The following PCDHA6 variants were observed in gnomAD, a reference collection of about 807,000 sequenced individuals.
The protein encoded by PCDHA6 is protocadherin alpha 6.
In PCDHA6, 55 loss-of-function variants were observed where a neutral mutation model predicts 60.3. The ratio of observed to expected loss-of-function variants is 0.91; its 90% CI spans 0.73 to 1.14. The LOEUF (loss-of-function observed/expected upper bound fraction) is 1.14. Ranked by LOEUF, PCDHA6 falls within the 50% of genes most tolerant of loss-of-function variation. The pLI is 0.00. For missense variants in PCDHA6, 1,327 were observed against 1,256.5 expected, an observed-to-expected ratio of 1.06 and a Z score of -0.85; for synonymous variants, 652 against 557.9, an observed-to-expected ratio of 1.17 and a Z score of -2.38.
Position 141,012,299 on chromosome 5 carries a change from A to G in PCDHA6, c.*2362A>G, listed in dbSNP as rs1554263904. 1 of 153,754 alleles carries G rather than the reference A, an allele frequency of 6.5e-6. No homozygotes were observed. Among genetic ancestry groups the G allele is most frequent in the African/African-American group, 2.4e-5 (1 of 41,456 alleles). The allele number at this position is 153,754 out of a possible 1,614,324, so 9.5% of individuals were successfully genotyped here. A position where few individuals can be genotyped will look rare whatever the true frequency, so the allele number is the denominator to read the frequency against. ...TGTGGATTCATTTTGAATTGGTGCT[A>G]TTGGTATTTCCTCTGTTATTGCTAA... On this transcript the variant is annotated 3_prime_UTR_variant, in exon 4 of 4. Transcript: ENST00000529310.
chr5:140,849,060 G>A lies in PCDHA6; in HGVS notation c.2394+18575G>A, dbSNP rs2150429705. On this transcript the variant is annotated intron_variant, in intron 1 of 3. Transcript: ENST00000529310. ...GGACGTGCCAACCAGCAACCAGCAG[G>A]TAAAACCTCTTGGACTTGTATTACG... The A allele has an allele frequency of 3.2e-6, 5 of 1,549,090 alleles. No individual in the cohort carries two copies. The South Asian group carries it at 5.6e-5, about 17-fold the overall frequency.
At chr5:140,843,004 C>A (rs782142006) in intron 1 of PCDHA6, 1 of 1,595,032 alleles carries the variant, frequency 6.3e-7, no homozygotes, top group African/African-American at 1.3e-5. Flanking sequence ...AGAATGACAA[C>A]GCGCCGGCAC....
At chr5:140,874,317 A>G (rs1423586280) in intron 1 of PCDHA6, among the ~76,000 whole-genome samples, 2 of 151,836 alleles carry the variant, frequency 1.3e-5, no homozygotes, top group Admixed American at 1.3e-4. Flanking sequence ...GAGTTGTAGG[A>G]TCTTATCTGT....
chr5:140,875,917 G>A, intron 1 of PCDHA6: 1 of 1,614,146 alleles, frequency 6.2e-7, no homozygotes, highest in Non-Finnish European at 8.5e-7. Flanking sequence ...TGCGCCTCTG[G>A]ACTCTCATTT....
At position 140,927,603 on chromosome 5, in the gene PCDHA6, A is replaced by G. The variant is rs538616533; in HGVS notation, c.2395-51346A>G. On this transcript the variant is annotated intron_variant, in intron 1 of 3. Coordinates refer to ENST00000529310, the MANE Select transcript of PCDHA6 (RefSeq NM_018909.4). ...ACGCGCCTGTATTTGAGCGCTCCGT[A>G]TACCGCACCAAGGTTCCAGAGACTG... 8.1e-6 allele frequency: 13 copies of G among 1,614,190 alleles called. No homozygotes were observed. In the Admixed American group the frequency reaches 1.2e-4, roughly 14 times the overall value.
Position 140,851,565 on chromosome 5 carries a change from G to T in PCDHA6, c.2394+21080G>T, listed in dbSNP as rs558874725. Reference sequence around the variant, plus strand: ...TTCAAGAAATGTTGACTGAAATTTTGTCTACACTTAGAACATTTTTTGAAA... The same window carrying T: ...TTCAAGAAATGTTGACTGAAATTTTTTCTACACTTAGAACATTTTTTGAAA... On this transcript the variant is annotated intron_variant, in intron 1 of 3. Transcript: ENST00000529310. The T allele has an allele frequency of 3.3e-6, 3 of 908,000 alleles. No homozygotes were observed. In the African/African-American group the frequency reaches 5.4e-5, roughly 16 times the overall value. 56.2% of individuals were successfully genotyped at this position (908,000 alleles called of 1,614,324 possible).
At chr5:140,866,033 A>T (rs934159305) in intron 1 of PCDHA6, 9 of 152,168 alleles carry the variant, frequency 5.9e-5, no homozygotes, top group African/African-American at 2.2e-4. Flanking sequence ...GTTCGTGATC[A>T]TCATTATCAT....
rs1554262420 is a variant in PCDHA6, at chr5:141,009,791, C to G, written c.2707C>G (p.Pro903Ala). ...TGCAATCATCTCCATCCGGCAGGAG[C>G]CTACTAACAGCCAAATTGACAAAAG... ...SPAIISIRQE[P>A]TNSQIDKSDF... The change falls in exon 4 of 4, where the codon CCT becomes GCT. Residue 903 changes from proline (P) to alanine (A), a missense_variant. Pro to Ala is a conservative substitution (Grantham distance 27). Transcript: ENST00000529310. 1 of 1,614,084 alleles carries G rather than the reference C, an allele frequency of 6.2e-7. No individual in the cohort carries two copies. Among genetic ancestry groups the G allele is most frequent in the Admixed American group, 1.7e-5 (1 of 60,016 alleles).
intron 1 of PCDHA6, among the ~76,000 whole-genome samples, chr5:140,964,719 C>T (rs1042863318): frequency 1.3e-5 from 2 of 151,420 alleles, no homozygotes; most frequent in Non-Finnish European, 2.9e-5. Flanking sequence ...ATCAAATTAC[C>T]ACAGCAAACT....
intron 1 of PCDHA6, chr5:140,927,163 GC>G: frequency 6.2e-7 from 1 of 1,614,176 alleles, no homozygotes; most frequent in East Asian, 2.2e-5. Flanking sequence ...CAGGGCCAAA[GC>G]TGCCTGCGTC....
chr5:140,872,164 TC>T (rs1346109895), intron 1 of PCDHA6, among the ~76,000 whole-genome samples: 1 of 151,498 alleles, frequency 6.6e-6, no homozygotes, highest in Non-Finnish European at 1.5e-5. Context: ...GATTTACTTT[TC>T]TTTTTTTTTT....
At chr5:140,958,998 C>T (rs868985322) in intron 1 of PCDHA6, among the ~76,000 whole-genome samples, 5 of 151,906 alleles carry the variant, frequency 3.3e-5, no homozygotes, top group South Asian at 2.1e-4. Flanking sequence ...TAATCTTTTA[C>T]TGTACCTAAT....
chr5:140,895,857 G>C (rs1181424868), intron 1 of PCDHA6, among the ~76,000 whole-genome samples: 1 of 152,116 alleles, frequency 6.6e-6, no homozygotes, highest in Admixed American at 6.5e-5. Flanking sequence ...TGTACCCCAG[G>C]CTGGAGTGCA....
At chr5:140,868,818 T>TG (rs1170928689) in intron 1 of PCDHA6, 2 of 385,940 alleles carry the variant, frequency 5.2e-6, no homozygotes, top group Non-Finnish European at 9.1e-6. Flanking sequence ...TGGAAATATT[T>TG]GGGGGAAGAA....
intron 1 of PCDHA6, chr5:140,875,357 C>T: frequency 1.4e-6 from 2 of 1,446,712 alleles, no homozygotes; most frequent in South Asian, 1.5e-5. Flanking sequence ...GACTGTGATG[C>T]TGGAAAAAAT....
Position 140,945,638 on chromosome 5 carries a change from A to G in PCDHA6, c.2395-33311A>G, listed in dbSNP as rs187448798. ...CATGGTACTGGCATAAAAGACATGTAGACCAATGGAGCAGAATACAGCTCC... is the reference window on the plus strand; with the variant it reads ...CATGGTACTGGCATAAAAGACATGTGGACCAATGGAGCAGAATACAGCTCC... On this transcript the variant is annotated intron_variant, in intron 1 of 3. Transcript: ENST00000529310. 2.6e-5 allele frequency among the ~76,000 whole-genome samples: 4 copies of G among 152,300 alleles called. No homozygotes were observed. The East Asian group carries it at 5.8e-4, about 22-fold the overall frequency.
At chr5:140,871,530 T>C (rs188075654) in intron 1 of PCDHA6, 2 of 1,514,446 alleles carry the variant, frequency 1.3e-6, no homozygotes, top group Admixed American at 4.8e-5. Flanking sequence ...TCAGGAAGTG[T>C]ATGTGAAATT....
chr5:140,990,852 A>T (rs1265916406), intron 3 of PCDHA6, among the ~76,000 whole-genome samples: 2 of 152,198 alleles, frequency 1.3e-5, no homozygotes, highest in Non-Finnish European at 1.5e-5. Context: ...TAGAGCCCTG[A>T]GGACATTGTA....
rs1028376160 is a variant in PCDHA6 at position 140,924,281 on chromosome 5, C to T, written c.2395-54668C>T. Among the ~76,000 whole-genome samples the T allele has an allele frequency of 2.6e-5, 4 of 152,170 alleles. No individual in the cohort carries two copies. The East Asian group carries it at 7.7e-4, about 29-fold the overall frequency. ...TAATGAGGTCTGTACTTGTGACTAC[C>T]TAATAGGCTGACATGTTTCCTCCTT... is the stretch of plus-strand genomic sequence containing the variant. On this transcript the variant is annotated intron_variant, in intron 1 of 3. Coordinates refer to ENST00000529310, the MANE Select transcript of PCDHA6 (RefSeq NM_018909.4).
Sources: gnomAD v4.1 joint callset for allele counts (sites outside exome capture counted in the v4.1 genomes callset) on GRCh38, gnomAD v4.1.1 for gene constraint, MANE v1.5 for transcripts, NCBI Gene and HGNC (gene_info 2026-07-23, HGNC 2026-07-21) for gene names.